Variants in RPIA observed in about 807,000 individuals in gnomAD.
The protein encoded by RPIA is ribose-5-phosphate isomerase.
Under a neutral mutation model 37.8 loss-of-function variants are expected in RPIA, and 29 were observed. The ratio of observed to expected loss-of-function variants is 0.77; its 90% CI spans 0.57 to 1.05. The LOEUF is 1.05. Among genes scored for constraint, RPIA ranks in the 50% least tolerant of loss-of-function variants. The pLI, the probability that RPIA is intolerant of heterozygous loss-of-function variation, is 0.00. For missense variants in RPIA, 385 were observed against 413.6 expected (o/e 0.93, Z 0.60); for synonymous variants, 167 against 157.0 (o/e 1.06, Z -0.48).
intron 4 of RPIA, among the ~76,000 whole-genome samples, chr2:88,733,802 T>A (rs1420399612): frequency 6.6e-6 from 1 of 152,228 alleles, no homozygotes; most frequent in Non-Finnish European, 1.5e-5. Flanking sequence ...TCCTACAATG[T>A]CCATGCAGAG....
At chr2:88,711,284 G>T (rs1672957934) in intron 3 of RPIA, among the ~76,000 whole-genome samples, 1 of 152,206 alleles carries the variant, frequency 6.6e-6, no homozygotes, top group African/African-American at 2.4e-5. Context: ...GCTATAGCTT[G>T]GTTTTATACG....
rs1673491624 is a variant in RPIA, at chr2:88,750,470, TA to T, written c.*395del. ...AAAAATCAAAACTTCTTTAAGCTGG[TA>T]AAGTGAGGGGCCCACCAGCAGTGAT... On this transcript the variant is annotated 3_prime_UTR_variant, in exon 9 of 9. Coordinates refer to ENST00000283646, the MANE Select transcript of RPIA (RefSeq NM_144563.3). The T allele has an allele frequency of 1.6e-5, 7 of 433,134 alleles. No homozygotes were observed. The South Asian group carries it at 5.1e-4, about 32-fold the overall frequency. The allele number at this position is 433,134 out of a possible 1,614,324, so 26.8% of individuals were successfully genotyped here.
intron 2 of RPIA, among the ~76,000 whole-genome samples, chr2:88,699,262 A>G (rs1241031716): frequency 1.3e-5 from 2 of 152,280 alleles, no homozygotes; most frequent in East Asian, 1.9e-4. Context: ...ATACCTTTCA[A>G]TCTTAACCAA....
intron 3 of RPIA, among the ~76,000 whole-genome samples, 187 bp downstream of exon 3, chr2:88,700,251 C>T (rs938372): frequency 0.28 from 42,955 of 152,066 alleles, 6,218 homozygotes; most frequent in Admixed American, 0.32. Context: ...TGTTTAATCA[C>T]TTGGTGAATA....
At chr2:88,711,429 T>C (rs1672960890) in intron 3 of RPIA, among the ~76,000 whole-genome samples, 1 of 152,238 alleles carries the variant, frequency 6.6e-6, no homozygotes, top group Non-Finnish European at 1.5e-5. Context: ...ATTTTCTGAC[T>C]GGCAATTGGT....
chr2:88,733,083 C>G (rs570498099), intron 4 of RPIA, among the ~76,000 whole-genome samples: 1 of 152,130 alleles, frequency 6.6e-6, no homozygotes, highest in African/African-American at 2.4e-5. Flanking sequence ...TAGACTAATG[C>G]TAGTTTGAGT....
At chr2:88,696,748 G>A (rs1672753438) in intron 1 of RPIA, among the ~76,000 whole-genome samples, 1 of 152,164 alleles carries the variant, frequency 6.6e-6, no homozygotes. Flanking sequence ...GAACAGAAAT[G>A]TTTTGGCTTA....
chr2:88,727,364 A>G (rs1267153939), intron 3 of RPIA, among the ~76,000 whole-genome samples: 1 of 152,190 alleles, frequency 6.6e-6, no homozygotes, highest in Non-Finnish European at 1.5e-5. Flanking sequence ...GTAGTCTCAG[A>G]TCTGAAGTTA....
chr2:88,734,577 A>C lies in RPIA; in HGVS notation c.488A>C (p.Asp163Ala), dbSNP rs750891209. ...PEIDLAIDGA[D>A]EVDADLNLIK... ...ATCGACCTTGCCATCGATGGTGCTG[A>C]TGAAGTAGATGCTGATCTCAATCTC... is the stretch of plus-strand genomic sequence containing the variant. The change falls in exon 5 of 9, where the codon GAT (aspartate) becomes GCT (alanine). Residue 163 changes from aspartate (D) to alanine (A), a missense_variant. This residue lies in a region of RPIA where 153 missense variants were observed against 210.6 expected (regional missense o/e 0.73). Coordinates refer to ENST00000283646, the MANE Select transcript of RPIA (RefSeq NM_144563.3). 11 of 1,613,978 alleles carry C rather than the reference A, an allele frequency of 6.8e-6. No individual in the cohort carries two copies. The highest frequency in any genetic ancestry group is 5.9e-6 in the Non-Finnish European group (7 of 1,180,022).
intron 3 of RPIA, among the ~76,000 whole-genome samples, chr2:88,713,389 A>G: frequency 6.6e-6 from 1 of 151,860 alleles, no homozygotes; most frequent in East Asian, 1.9e-4. Flanking sequence ...ACTATGTTAA[A>G]TACTTTCTCA....
Position 88,701,764 on chromosome 2 carries a change from A to G in RPIA, c.402+1700A>G, listed in dbSNP as rs190022886. ...ATTCAGTAGGTCAGAATTAGAGGAA[A>G]GAGTATGTTGGATAAAACAGACAAT... On this transcript the variant is annotated intron_variant, in intron 3 of 8. Transcript: ENST00000283646. 6.7e-4 allele frequency among the ~76,000 whole-genome samples: 102 copies of G among 152,358 alleles called. 2 individuals carry two copies. The highest frequency in any genetic ancestry group is 8.8e-4 in the Non-Finnish European group (60 of 68,038).
At chr2:88,723,237 AG>A (rs1203541141) in intron 3 of RPIA, among the ~76,000 whole-genome samples, 1 of 152,174 alleles carries the variant, frequency 6.6e-6, no homozygotes, top group Admixed American at 6.5e-5. Context: ...GCTTTAGACA[AG>A]AGAAAACCCC....
intron 8 of RPIA, among the ~76,000 whole-genome samples, chr2:88,740,021 C>T (rs993649103): frequency 1.3e-5 from 2 of 152,190 alleles, no homozygotes; most frequent in Non-Finnish European, 2.9e-5. Flanking sequence ...AGTGTTCCCT[C>T]TTTAGTGGAA....
chr2:88,729,275 C>T lies in RPIA; in HGVS notation c.403-3C>T, dbSNP rs1673235873. The T allele has an allele frequency of 6.2e-7, 1 of 1,614,174 alleles. No homozygotes were observed. The highest frequency in any genetic ancestry group is 8.5e-7 in the Non-Finnish European group (1 of 1,180,002). ...CGTGGTTGCTCTTCCCTGTCCTCCGCAGGCCCGCCAGCTCATCCTGCAGTA... is the reference window on the plus strand; with the variant it reads ...CGTGGTTGCTCTTCCCTGTCCTCCGTAGGCCCGCCAGCTCATCCTGCAGTA... On this transcript the variant is annotated splice_polypyrimidine_tract_variant and splice_region_variant and intron_variant, in intron 3 of 8. Transcript: ENST00000283646.
chr2:88,736,769 T>C (rs1673321116), intron 7 of RPIA, 93 bp downstream of exon 7: 1 of 1,425,910 alleles, frequency 7.0e-7, no homozygotes, highest in Non-Finnish European at 9.5e-7. Flanking sequence ...CATGTGTGCT[T>C]CCACCAGGCA....
In RPIA at chr2:88,694,979, C is replaced by CAA. The variant is rs61633535; in HGVS notation, c.285+3011_285+3012dup. Among the ~76,000 whole-genome samples, 498 of 119,092 alleles carry CAA rather than the reference C, an allele frequency of 4.2e-3. 6 individuals are homozygous for CAA. Among genetic ancestry groups the CAA allele is most frequent in the African/African-American group, 9.8e-3 (338 of 34,530 alleles). 78.1% of individuals were successfully genotyped at this position (119,092 alleles called of 152,430 possible). A position where few individuals can be genotyped will look rare whatever the true frequency, so the allele number is the denominator to read the frequency against. Reference sequence around the variant, plus strand: ...CAATCATACCTATTCAATAAAGTCTCAAAAAAAAAAAAAAAAGAAAAAGAA... The same window carrying CAA: ...CAATCATACCTATTCAATAAAGTCTCAAAAAAAAAAAAAAAAAAGAAAAAGAA... On this transcript the variant is annotated intron_variant, in intron 1 of 8. Coordinates refer to ENST00000283646, the MANE Select transcript of RPIA (RefSeq NM_144563.3).
Position 88,727,112 on chromosome 2 carries a change from C to T in RPIA, c.403-2166C>T, listed in dbSNP as rs111349336. Among the ~76,000 whole-genome samples the T allele has an allele frequency of 5.1e-3, 771 of 152,024 alleles. 7 individuals are homozygous for T. The highest frequency in any genetic ancestry group is 0.037 in the Middle Eastern group (11 of 294). On this transcript the variant is annotated intron_variant, in intron 3 of 8. Transcript: ENST00000283646. Reference sequence around the variant, plus strand: ...GTGTGTGTGTGCGCGCGCATGTGTGCGCGTGCATGTGTGCGCATGCGAGAG... The same window carrying T: ...GTGTGTGTGTGCGCGCGCATGTGTGTGCGTGCATGTGTGCGCATGCGAGAG...
chr2:88,743,829 C>A (rs1444922761), intron 8 of RPIA, among the ~76,000 whole-genome samples: 1 of 152,090 alleles, frequency 6.6e-6, no homozygotes, highest in African/African-American at 2.4e-5. Flanking sequence ...CTTGAATGAT[C>A]TTTTGTATTT....
chr2:88,730,708 GT>G (rs1471899647), intron 4 of RPIA, among the ~76,000 whole-genome samples: 1 of 9,944 alleles, frequency 1.0e-4, no homozygotes, highest in Non-Finnish European at 1.6e-4. Context: ...TCAACATAGT[GT>G]TGGAAGTTCT....
Sources: gnomAD v4.1 joint callset for allele counts (sites outside exome capture counted in the v4.1 genomes callset) on GRCh38, gnomAD v4.1.1 for gene constraint, gnomAD v4.1.1 regional missense constraint, MANE v1.5 for transcripts, NCBI Gene and HGNC (gene_info 2026-07-23, HGNC 2026-07-21) for gene names.